The following MRC1 variants were observed in gnomAD, a reference collection of about 807,000 sequenced individuals.
MRC1 encodes mannose receptor C-type 1.
In MRC1, 62 loss-of-function variants were observed where a neutral mutation model predicts 102.9. That is an observed-to-expected ratio of 0.60 (90% CI 0.49 to 0.74). MRC1 has a LOEUF of 0.74. MRC1 is among the 30% of genes least tolerant of loss of function. The pLI is 0.00. For missense variants in MRC1, 1,237 were observed against 862.8 expected, an observed-to-expected ratio of 1.43 and a Z score of -5.43; for synonymous variants, 457 against 298.4, an observed-to-expected ratio of 1.53 and a Z score of -5.48.
chr10:17,820,965 C>T (rs965477333), intron 1 of MRC1, among the ~76,000 whole-genome samples: 12 of 152,036 alleles, frequency 7.9e-5, no homozygotes, highest in Non-Finnish European at 1.6e-4. Flanking sequence ...CATTTTGTCC[C>T]ACTAGGGCAC....
chr10:17,812,886 C>G (rs1838247096), intron 1 of MRC1, among the ~76,000 whole-genome samples: 1 of 152,064 alleles, frequency 6.6e-6, no homozygotes, highest in Non-Finnish European at 1.5e-5. Context: ...TAGGCTCTTG[C>G]TAGCTGCTGC....
At chr10:17,842,726 A>G (rs1420672927) in intron 5 of MRC1, among the ~76,000 whole-genome samples, 1 of 152,160 alleles carries the variant, frequency 6.6e-6, no homozygotes, top group Non-Finnish European at 1.5e-5. Flanking sequence ...GCAGTCATTT[A>G]ATTTATTCAC....
chr10:17,819,391 T>G (rs1838361388), intron 1 of MRC1, among the ~76,000 whole-genome samples: 2 of 151,710 alleles, frequency 1.3e-5, no homozygotes, highest in East Asian at 3.9e-4. Context: ...TGGCCTGGGA[T>G]GGTGTAAATG....
At chr10:17,830,372 T>A (rs1838551544) in intron 3 of MRC1, among the ~76,000 whole-genome samples, 1 of 151,336 alleles carries the variant, frequency 6.6e-6, no homozygotes, top group Admixed American at 6.6e-5. Flanking sequence ...CCTCAAATGA[T>A]CCACCCACCT....
rs977402016 is a variant in MRC1 at position 17,866,962 on chromosome 10, A to G, written c.1983+201A>G. On this transcript the variant is annotated intron_variant, in intron 12 of 29. Transcript: ENST00000569591. ...TAGATGTATTTAGACCCACAAATAC[A>G]ACCAACAACATAAACACAACTCACA... Among the ~76,000 whole-genome samples the G allele has an allele frequency of 1.3e-4, 20 of 152,236 alleles. No homozygotes were observed. The South Asian group carries it at 4.2e-3, about 32-fold the overall frequency.
At chr10:17,871,277 C>T (rs1484874353) in intron 14 of MRC1, among the ~76,000 whole-genome samples, 1 of 152,164 alleles carries the variant, frequency 6.6e-6, no homozygotes, top group Admixed American at 6.6e-5. Flanking sequence ...AATTTCAGTT[C>T]TACCTCTTAA....
Position 17,910,210 on chromosome 10 carries a change from TA to T in MRC1, c.4121-4del. Reference sequence around the variant, plus strand: ...GTTTTCCATAATGATTTTATTTATTTATAGCTGACACAAGGAAGATGGACCC... The same window carrying T: ...GTTTTCCATAATGATTTTATTTATTTTAGCTGACACAAGGAAGATGGACCC... On this transcript the variant is annotated splice_region_variant and splice_polypyrimidine_tract_variant and intron_variant, in intron 29 of 29. Coordinates refer to ENST00000569591, the MANE Select transcript of MRC1 (RefSeq NM_002438.4). 5 of 780,812 alleles carry T rather than the reference TA, an allele frequency of 6.4e-6. No individual in the cohort carries two copies. The highest frequency in any genetic ancestry group is 1.2e-5 in the Non-Finnish European group (5 of 417,956). 48.4% of individuals were successfully genotyped at this position (780,812 alleles called of 1,614,324 possible).
chr10:17,874,953 C>A lies in MRC1; in HGVS notation c.2387-137C>A, dbSNP rs1057468092. The A allele has an allele frequency of 5.1e-5, 37 of 721,368 alleles. No homozygotes were observed. In the African/African-American group the frequency reaches 6.0e-4, roughly 12 times the overall value. 44.7% of individuals were successfully genotyped at this position (721,368 alleles called of 1,614,324 possible). ...GATGTCTGTATTTGACGTGGACATT[C>A]TGCTGTTCTGGTCTCTCAGAGTTGC... is the stretch of plus-strand genomic sequence containing the variant. On this transcript the variant is annotated intron_variant, in intron 16 of 29. Coordinates refer to ENST00000569591, the MANE Select transcript of MRC1 (RefSeq NM_002438.4).
At chr10:17,824,411 G>A (rs995208528) in intron 2 of MRC1, among the ~76,000 whole-genome samples, 2 of 152,074 alleles carry the variant, frequency 1.3e-5, no homozygotes, top group East Asian at 3.9e-4. Flanking sequence ...TATGTTACGG[G>A]GCTACTAAGA....
In MRC1 at chr10:17,833,760, C is replaced by G; in HGVS notation, c.723C>G (p.His241Gln). The change falls in exon 4 of 30, where the codon CAC (histidine) becomes CAG (glutamine). Residue 241 changes from histidine to glutamine, a missense_variant. Physicochemically the swap from His to Gln is conservative, Grantham distance 24. Transcript: ENST00000569591. ...ACTCCAAATCCGCTTTAACGTGGCACCAGGCGAGGAAAAGCTGCCAACAAC... is the reference window on the plus strand; with the variant it reads ...ACTCCAAATCCGCTTTAACGTGGCAGCAGGCGAGGAAAAGCTGCCAACAAC... Reference protein sequence around the residue: ...QINSKSALTWHQARKSCQQQN... With the variant: ...QINSKSALTWQQARKSCQQQN... 1 of 781,066 alleles carries G rather than the reference C, an allele frequency of 1.3e-6. No homozygotes were observed. Among genetic ancestry groups the G allele is most frequent in the South Asian group, 1.3e-5 (1 of 74,626 alleles). 48.4% of individuals were successfully genotyped at this position (781,066 alleles called of 1,614,324 possible).
At chr10:17,856,163 C>G (rs1833088590) in intron 8 of MRC1, 79 bp from the exon 9 acceptor site, 1 of 705,792 alleles carries the variant, frequency 1.4e-6, no homozygotes, top group Admixed American at 2.4e-5. Flanking sequence ...GAGTGAGACA[C>G]TGTCTCAAAA....
chr10:17,827,617 C>T lies in MRC1; in HGVS notation c.539C>T (p.Ala180Val). ...FPFKFENKWY[A>V]DCTSAGRSDG... ...TTCAAGTTTGAAAACAAGTGGTACG[C>T]AGATTGCACGAGTGCTGGGCGGTCG... Residue 180 changes from alanine to valine, a missense_variant, in exon 3 of 30, where the codon GCA (alanine) becomes GTA (valine). Ala to Val is a moderately conservative substitution (Grantham distance 64). Transcript: ENST00000569591. 2.6e-6 allele frequency: 2 copies of T among 780,794 alleles called. No individual in the cohort carries two copies. The highest frequency in any genetic ancestry group is 4.8e-5 in the East Asian group (2 of 41,240). 48.4% of individuals were successfully genotyped at this position (780,794 alleles called of 1,614,324 possible). A position where few individuals can be genotyped will look rare whatever the true frequency, so the allele number is the denominator to read the frequency against.
intron 22 of MRC1, among the ~76,000 whole-genome samples, chr10:17,887,248 G>A (rs1833610608): frequency 6.6e-6 from 1 of 152,156 alleles, no homozygotes; most frequent in South Asian, 2.1e-4. Flanking sequence ...AAAATTAGCC[G>A]GGCGTGGTGG....
At chr10:17,857,182 A>G (rs1833104920) in intron 9 of MRC1, among the ~76,000 whole-genome samples, 1 of 152,246 alleles carries the variant, frequency 6.6e-6, no homozygotes, top group Non-Finnish European at 1.5e-5. Flanking sequence ...TGGAAGAGTC[A>G]CAAAGGACCT....
intron 19 of MRC1, 111 bp downstream of exon 19, chr10:17,879,932 A>G: frequency 1.3e-6 from 1 of 763,800 alleles, no homozygotes; most frequent in Non-Finnish European, 2.4e-6. Context: ...ATAAGAAGAG[A>G]GAATAAAGGA....
chr10:17,872,858 G>A (rs1325613325), intron 15 of MRC1, among the ~76,000 whole-genome samples: 3 of 152,164 alleles, frequency 2.0e-5, no homozygotes, highest in East Asian at 1.9e-4. Context: ...CAATACCTCC[G>A]TTGCAAATGG....
chr10:17,874,685 C>A (rs887193775), intron 16 of MRC1, among the ~76,000 whole-genome samples: 17 of 149,512 alleles, frequency 1.1e-4, no homozygotes, highest in Non-Finnish European at 2.2e-4. Flanking sequence ...TGCATCTATT[C>A]GAAGTTTTGC....
Position 17,854,837 on chromosome 10 carries a change from C to T in MRC1, c.1408-1405C>T, listed in dbSNP as rs1470028352. 8.7e-5 allele frequency: 14 copies of T among 161,186 alleles called. 2 individuals carry two copies. The South Asian group carries it at 1.6e-3, about 18-fold the overall frequency. 10.0% of individuals were successfully genotyped at this position (161,186 alleles called of 1,614,324 possible). A position where few individuals can be genotyped will look rare whatever the true frequency, so the allele number is the denominator to read the frequency against. ...CCGAGTAGCTGAGATTACAAGCGTG[C>T]ACCACCACATCCAGCTAACTTTTTT... On this transcript the variant is annotated intron_variant, in intron 8 of 29. Transcript: ENST00000569591.
intron 17 of MRC1, among the ~76,000 whole-genome samples, chr10:17,875,860 G>C (rs1327350112): frequency 6.6e-6 from 1 of 152,180 alleles, no homozygotes; most frequent in Non-Finnish European, 1.5e-5. Flanking sequence ...CATAGTGGTT[G>C]TACTAGCTTA....
Sources: gnomAD v4.1 joint callset for allele counts (sites outside exome capture counted in the v4.1 genomes callset) on GRCh38, gnomAD v4.1.1 for gene constraint, MANE v1.5 for transcripts, NCBI Gene and HGNC (gene_info 2026-07-23, HGNC 2026-07-21) for gene names.